Variants in ACAT2 observed in about 807,000 individuals in gnomAD.
ACAT2 encodes acetyl-CoA acetyltransferase 2, also known as acetyl-CoA acetyltransferase, cytosolic.
Under a neutral mutation model 37.1 loss-of-function variants are expected in ACAT2, and 26 were observed. The ratio of observed to expected loss-of-function variants is 0.70; its 90% CI spans 0.51 to 0.97. ACAT2 has a LOEUF of 0.97. Ranked by LOEUF, ACAT2 falls within the 50% of genes least tolerant of loss-of-function variation. ACAT2 has a pLI of 0.00. For synonymous variants in ACAT2, 156 were observed against 163.6 expected (o/e 0.95, Z 0.35); for missense variants, 468 against 489.0 (o/e 0.96, Z 0.40).
chr6:159,774,761 C>A (rs1252072304), intron 4 of ACAT2, among the ~76,000 whole-genome samples: 1 of 152,188 alleles, frequency 6.6e-6, no homozygotes, highest in African/African-American at 2.4e-5. Context: ...AGTTTTATAA[C>A]TGTGCTTATG....
chr6:159,767,162 A>G lies in ACAT2; in HGVS notation c.348A>G (p.Ala116=). Residue 116 remains alanine (A), a synonymous_variant, in exon 3 of 9, where the codon GCA becomes GCG. Transcript: ENST00000367048. ...IGIGDSSIVV[A]GGMENMSKAP... is the part of the protein sequence containing the mutation. ...TAGGAGACTCCAGCATTGTGGTTGC[A>G]GGAGGCATGGAAAATATGAGCAAGG... 1 of 1,614,252 alleles carries G rather than the reference A, an allele frequency of 6.2e-7. No homozygotes were observed. The highest frequency in any genetic ancestry group is 1.7e-4 in the Middle Eastern group (1 of 6,056).
intron 4 of ACAT2, among the ~76,000 whole-genome samples, 200 bp downstream of exon 4, chr6:159,768,828 A>G (rs1434571100): frequency 6.6e-6 from 1 of 152,234 alleles, no homozygotes; most frequent in Non-Finnish European, 1.5e-5. Flanking sequence ...AGAAGTGGGA[A>G]GTACCTCAGA....
intron 2 of ACAT2, among the ~76,000 whole-genome samples, chr6:159,766,188 A>T (rs1294234216): frequency 6.6e-6 from 1 of 152,256 alleles, no homozygotes; most frequent in Non-Finnish European, 1.5e-5. Flanking sequence ...ATATTTTGTT[A>T]TATAACCATT....
chr6:159,764,097 T>C (rs908216393), intron 2 of ACAT2, among the ~76,000 whole-genome samples: 3 of 151,766 alleles, frequency 2.0e-5, no homozygotes, highest in African/African-American at 4.8e-5. Context: ...AGAGTGAGAC[T>C]CCTTTTAAAA....
At chr6:159,770,656 GA>G (rs908819189) in intron 4 of ACAT2, among the ~76,000 whole-genome samples, 20 of 150,834 alleles carry the variant, frequency 1.3e-4, no homozygotes, top group African/African-American at 3.4e-4. Flanking sequence ...TAAAAAAAAA[GA>G]AAAAAAAATT....
intron 5 of ACAT2, chr6:159,775,892 G>A (rs1780404979): frequency 2.7e-6 from 1 of 374,886 alleles, no homozygotes. Flanking sequence ...GCACAAACAG[G>A]TCCCTGGTAG....
At chr6:159,769,107 A>G (rs1397330085) in intron 4 of ACAT2, among the ~76,000 whole-genome samples, 1 of 152,260 alleles carries the variant, frequency 6.6e-6, no homozygotes, top group African/African-American at 2.4e-5. Context: ...TTAGAGTTAA[A>G]GAATCAAACC....
chr6:159,763,294 T>A (rs1327595091), intron 2 of ACAT2, among the ~76,000 whole-genome samples: 1 of 152,184 alleles, frequency 6.6e-6, no homozygotes. Flanking sequence ...GGCTCCCGCC[T>A]GTAATCCCAG....
At chr6:159,767,334 T>C (rs1780271113) in intron 3 of ACAT2, 148 bp downstream of exon 3, 1 of 844,550 alleles carries the variant, frequency 1.2e-6, no homozygotes, top group Non-Finnish European at 1.8e-6. Context: ...CCTACTTGAA[T>C]GTGAAGTATT....
At chr6:159,762,448 C>T in intron 1 of ACAT2, 2 of 1,346,770 alleles carry the variant, frequency 1.5e-6, no homozygotes, top group South Asian at 1.5e-5. Flanking sequence ...CCTCCGGGGC[C>T]CCTGATTGGC....
At chr6:159,776,548 A>C (rs1441732970) in intron 6 of ACAT2, among the ~76,000 whole-genome samples, 1 of 152,116 alleles carries the variant, frequency 6.6e-6, no homozygotes, top group Non-Finnish European at 1.5e-5. Context: ...AATTATTCTT[A>C]AAACAGTTTA....
At chr6:159,775,915 G>T in intron 5 of ACAT2, 1 of 410,508 alleles carries the variant, frequency 2.4e-6, no homozygotes, top group Non-Finnish European at 4.4e-6. Context: ...ACTTTCCTCA[G>T]GAAGGCCTAT....
chr6:159,765,262 C>T (rs1211267479), intron 2 of ACAT2, among the ~76,000 whole-genome samples: 1 of 151,718 alleles, frequency 6.6e-6, no homozygotes, highest in Non-Finnish European at 1.5e-5. Context: ...ATTACAGGTG[C>T]CTGCCACTGT....
intron 4 of ACAT2, among the ~76,000 whole-genome samples, chr6:159,769,210 A>G (rs1780299689): frequency 6.6e-6 from 1 of 152,262 alleles, no homozygotes; most frequent in African/African-American, 2.4e-5. Flanking sequence ...GGGGAAAAGT[A>G]CAAGATTCCA....
intron 3 of ACAT2, among the ~76,000 whole-genome samples, chr6:159,767,769 T>C (rs992246302): frequency 2.0e-5 from 3 of 152,164 alleles, no homozygotes; most frequent in African/African-American, 4.8e-5. Context: ...ATTCCCTAGA[T>C]AGAAGCTGAT....
chr6:159,763,124 ACT>A, intron 2 of ACAT2, 71 bp downstream of exon 2: 16 of 1,460,552 alleles, frequency 1.1e-5, no homozygotes, highest in East Asian at 2.3e-5. Flanking sequence ...ACACACACAC[ACT>A]CTCACACACT....
intron 4 of ACAT2, among the ~76,000 whole-genome samples, chr6:159,771,121 C>G (rs1174747439): frequency 6.6e-6 from 1 of 151,464 alleles, no homozygotes; most frequent in African/African-American, 2.4e-5. Context: ...GTGGCTCATG[C>G]CTGTAATCCC....
At position 159,779,072 on chromosome 6, in the gene ACAT2, A is replaced by G; in HGVS notation, c.*243A>G. The G allele has an allele frequency of 1.9e-6, 3 of 1,614,092 alleles. No homozygotes were observed. Among genetic ancestry groups the G allele is most frequent in the Non-Finnish European group, 1.7e-6 (2 of 1,179,928 alleles). On this transcript the variant is annotated 3_prime_UTR_variant, in exon 9 of 9. Transcript: ENST00000367048. ...AATCATTAAGGGCTCCAGAGTGAACAGCATCTTCATAACTTCCATGTTTAT... is the reference window on the plus strand; with the variant it reads ...AATCATTAAGGGCTCCAGAGTGAACGGCATCTTCATAACTTCCATGTTTAT...
intron 6 of ACAT2, among the ~76,000 whole-genome samples, chr6:159,776,513 C>T (rs1230989216): frequency 6.6e-6 from 1 of 152,180 alleles, no homozygotes; most frequent in Non-Finnish European, 1.5e-5. Context: ...TGAGCCACCA[C>T]ACCCAACTCA....
Sources: gnomAD v4.1 joint callset for allele counts (sites outside exome capture counted in the v4.1 genomes callset) on GRCh38, gnomAD v4.1.1 for gene constraint, MANE v1.5 for transcripts, NCBI Gene and HGNC (gene_info 2026-07-23, HGNC 2026-07-21) for gene names.